Variants in UVSSA observed in about 807,000 individuals in gnomAD.
The protein encoded by UVSSA is UV stimulated scaffold protein A.
In UVSSA, 72 loss-of-function variants were observed where a neutral mutation model predicts 73.9. That is an observed-to-expected ratio of 0.97 (90% CI 0.81 to 1.19). The LOEUF (loss-of-function observed/expected upper bound fraction) is 1.19. UVSSA is among the 50% of genes most tolerant of loss of function. UVSSA has a pLI of 0.00. For missense variants in UVSSA, 1,150 were observed against 965.0 expected (o/e 1.19, Z -2.54); for synonymous variants, 454 against 391.3 (o/e 1.16, Z -1.89).
chr4:1,362,245 T>C (rs13142332), intron 7 of UVSSA, among the ~76,000 whole-genome samples: 145,136 of 152,326 alleles, frequency 0.95, 69,233 homozygotes, highest in East Asian at 1. Context: ...CCGCGGTGGC[T>C]GGGGTTCCTT....
chr4:1,352,806 A>T (rs1714993273), intron 4 of UVSSA, among the ~76,000 whole-genome samples: 1 of 152,260 alleles, frequency 6.6e-6, no homozygotes, highest in African/African-American at 2.4e-5. Context: ...TTAGTTGAGC[A>T]TGGCATCACG....
chr4:1,378,227 A>G (rs571938153), intron 10 of UVSSA, among the ~76,000 whole-genome samples: 6 of 152,256 alleles, frequency 3.9e-5, no homozygotes, highest in Admixed American at 2.0e-4. Flanking sequence ...ACAGGCAACC[A>G]CTAGAACAAA....
At chr4:1,373,163 G>C (rs375664541) in intron 8 of UVSSA, among the ~76,000 whole-genome samples, 11 of 152,208 alleles carry the variant, frequency 7.2e-5, no homozygotes, top group Non-Finnish European at 1.3e-4. Flanking sequence ...TGAAAATCTT[G>C]TGTCAATAGA....
intron 5 of UVSSA, 138 bp downstream of exon 5, chr4:1,353,551 GT>G (rs1033621320): frequency 5.5e-5 from 68 of 1,229,790 alleles, no homozygotes; most frequent in Non-Finnish European, 7.1e-5. Context: ...TCACCACCAG[GT>G]TTTTCCTTTC....
intron 3 of UVSSA, among the ~76,000 whole-genome samples, chr4:1,350,245 G>A (rs1033059593): frequency 2.6e-5 from 4 of 152,150 alleles, no homozygotes; most frequent in African/African-American, 7.2e-5. Context: ...GGCTCCACCC[G>A]CACCCTACTA....
At chr4:1,394,638 C>T in exon 14 of UVSSA, 2 of 1,505,842 alleles carry the variant, frequency 1.3e-6, no homozygotes. Context: ...ATGCGGAGTG[C>T]CCGCCTGCTC....
intron 13 of UVSSA, chr4:1,384,998 C>G (rs944102855): frequency 6.6e-6 from 1 of 152,316 alleles, no homozygotes; most frequent in Non-Finnish European, 1.5e-5. Flanking sequence ...CCCAAGGCAC[C>G]TTAGCCCTTG....
intron 8 of UVSSA, among the ~76,000 whole-genome samples, chr4:1,374,514 G>T (rs1386144683): frequency 6.6e-6 from 1 of 152,220 alleles, no homozygotes; most frequent in Non-Finnish European, 1.5e-5. Flanking sequence ...GGGGACCCTG[G>T]GTGCACGCTG....
Position 1,349,852 on chromosome 4 carries a change from A to G in UVSSA, c.427A>G (p.Lys143Glu), listed in dbSNP as rs765738301. The G allele has an allele frequency of 1.9e-6, 3 of 1,540,202 alleles. No homozygotes were observed. The highest frequency in any genetic ancestry group is 4.2e-5 in the Admixed American group (2 of 47,072). Residue 143 changes from lysine to glutamate, a missense_variant and splice_region_variant, in exon 3 of 14, where the codon AAG becomes GAG. Lys to Glu is a moderately conservative substitution (Grantham distance 56). Transcript: ENST00000389851. ...CTACCACTTCTTAAGACACAACAAA[A>G]AGGTAGGTGGGCCTGGCCCATTTTT... Reference protein sequence around the residue: ...LGYHFLRHNKKVDFQDTNARS... With the variant: ...LGYHFLRHNKEVDFQDTNARS...
At position 1,353,156 on chromosome 4, in the gene UVSSA, C is replaced by A. The variant is rs1715058531; in HGVS notation, c.677C>A (p.Ala226Asp). 1.2e-6 allele frequency: 2 copies of A among 1,612,904 alleles called. No individual in the cohort carries two copies. The highest frequency in any genetic ancestry group is 1.7e-5 in the Admixed American group (1 of 60,006). The change falls in exon 5 of 14, where the codon GCC becomes GAC. Residue 226 changes from alanine (A) to aspartate (D), a missense_variant. Physicochemically the swap from Ala to Asp is moderately radical, Grantham distance 126. Transcript: ENST00000389851. ...GGCATGGCTTCTGGCATGTCCGATGCCCTTCGCTCCTCCTGCGCGGGCCAG... is the reference window on the plus strand; with the variant it reads ...GGCATGGCTTCTGGCATGTCCGATGACCTTCGCTCCTCCTGCGCGGGCCAG... ...SLGMASGMSD[A>D]LRSSCAGQVG...
chr4:1,392,280 C>G (rs1344671470), downstream of UVSSA: 1 of 152,186 alleles, frequency 6.6e-6, no homozygotes, highest in East Asian at 1.9e-4. Context: ...CGTCAGCAGT[C>G]TTGTAATTAT....
rs768541736 is a variant in UVSSA, at chr4:1,355,138, C to T, written c.1069C>T (p.His357Tyr). The change falls in exon 7 of 14, where the codon CAC (histidine) becomes TAC (tyrosine). Residue 357 changes from histidine (H) to tyrosine (Y), a missense_variant. His to Tyr is a moderately conservative substitution (Grantham distance 83, BLOSUM62 2). Coordinates refer to ENST00000389851, the MANE Select transcript of UVSSA (RefSeq NM_020894.4). ...GCAGCGCTTCACCCGCGTCGGGACC[C>T]ACGGTGGATGTTTAAAGCGTGCCAT... ...WIQRFTRVGT[H>Y]GGCLKRAIDL... is the part of the protein sequence containing the mutation. 6.8e-6 allele frequency: 11 copies of T among 1,613,814 alleles called. No homozygotes were observed. Among genetic ancestry groups the T allele is most frequent in the Non-Finnish European group, 9.3e-6 (11 of 1,179,920 alleles).
exon 14 of UVSSA, chr4:1,394,551 C>A (rs1720474796): frequency 6.6e-7 from 1 of 1,525,948 alleles, no homozygotes; most frequent in Admixed American, 1.8e-5. Context: ...GGAGTGCCCG[C>A]CTGCTCACAC....
At chr4:1,354,285 A>T (rs1333801015) in intron 5 of UVSSA, among the ~76,000 whole-genome samples, 4 of 151,992 alleles carry the variant, frequency 2.6e-5, no homozygotes, top group Non-Finnish European at 5.9e-5. Flanking sequence ...ACAGCGGGGG[A>T]AGCCACGGCA....
At chr4:1,364,337 C>A (rs575780831) in intron 7 of UVSSA, among the ~76,000 whole-genome samples, 2 of 84,084 alleles carry the variant, frequency 2.4e-5, no homozygotes, top group African/African-American at 1.0e-4. Flanking sequence ...GCCACCTCCC[C>A]GCACGGTGCT....
At chr4:1,354,446 G>A (rs1715335795) in intron 5 of UVSSA, 2 of 452,280 alleles carry the variant, frequency 4.4e-6, no homozygotes, top group Non-Finnish European at 8.2e-6. Flanking sequence ...AGAAGAGGCT[G>A]TGGGTGGTCT....
chr4:1,351,694 T>G, intron 3 of UVSSA, 21 bp from the exon 4 acceptor site: 2 of 1,611,284 alleles, frequency 1.2e-6, no homozygotes, highest in Non-Finnish European at 1.7e-6. Flanking sequence ...TGTCCCCTAG[T>G]CTTTATTTTC....
Position 1,349,767 on chromosome 4 carries a change from C to T in UVSSA, c.342C>T (p.Thr114=). ...CACAGAGGCTGAGGCAGGCGACCAC[C>T]CGGGCCGTGGAAGGGTGGAATGAGA... The part of the protein sequence containing the change: ...EAAQRLRQAT[T]RAVEGWNEKF... Residue 114 remains threonine, a synonymous_variant, in exon 3 of 14, where the codon ACC becomes ACT. Transcript: ENST00000389851. 6.2e-7 allele frequency: 1 copy of T among 1,608,782 alleles called. No homozygotes were observed. The highest frequency in any genetic ancestry group is 8.5e-7 in the Non-Finnish European group (1 of 1,176,678).
chr4:1,383,376 G>T (rs994571458), intron 12 of UVSSA, among the ~76,000 whole-genome samples: 1 of 152,228 alleles, frequency 6.6e-6, no homozygotes, highest in African/African-American at 2.4e-5. Flanking sequence ...AGGCAGGAAA[G>T]GAGCTTGCGG....
Sources: allele counts gnomAD v4.1 joint callset (sites outside exome capture counted in the v4.1 genomes callset), GRCh38; gene constraint gnomAD v4.1.1; transcripts MANE v1.5; gene names NCBI Gene and HGNC (gene_info 2026-07-23, HGNC 2026-07-21).